Variants in PEAK1 observed in about 807,000 individuals in gnomAD.
PEAK1 encodes the protein inactive tyrosine-protein kinase PEAK1.
A neutral mutation model predicts 124.7 loss-of-function variants in PEAK1; 54 were observed. The ratio of observed to expected loss-of-function variants is 0.43; its 90% CI spans 0.35 to 0.54. PEAK1 has a LOEUF of 0.54. PEAK1 is among the 20% of genes least tolerant of loss of function. The pLI, the probability that PEAK1 is intolerant of heterozygous loss-of-function variation, is 0.01. For synonymous variants in PEAK1, 719 were observed against 760.0 expected (o/e 0.95, Z 0.89); for missense variants, 2,046 against 2,134.5 (o/e 0.96, Z 0.82).
rs2067007649 is a variant in PEAK1 at position 77,348,471 on chromosome 15, G to C, written c.-603+16692C>G. 5.2e-6 allele frequency: 5 copies of C among 954,652 alleles called. No individual in the cohort carries two copies. The South Asian group carries it at 1.9e-4, about 37-fold the overall frequency. 59.1% of individuals were successfully genotyped at this position (954,652 alleles called of 1,614,324 possible). ...AAATAATAAATAATAGGTTGTAAAA[G>C]CTAAACACAATGTAAACAATACTCA... is the stretch of plus-strand genomic sequence containing the variant. On this transcript the variant is annotated intron_variant, in intron 2 of 9. Transcript: ENST00000682557.
rs1459772727 is a variant in PEAK1, at chr15:77,321,692, T to G, written c.-602-35188A>C. ...CCCAATTGTCAATTTCGGCTTTTGT[T>G]GCCATTGCTTTTGGTGTTTTAGACG... On this transcript the variant is annotated intron_variant, in intron 2 of 9. Transcript: ENST00000682557. Among the ~76,000 whole-genome samples the G allele has an allele frequency of 2.6e-5, 4 of 152,216 alleles. No homozygotes were observed. In the East Asian group the frequency reaches 7.7e-4, roughly 29 times the overall value.
At chr15:77,212,953 A>G (rs993113561) in intron 6 of PEAK1, among the ~76,000 whole-genome samples, 1 of 152,226 alleles carries the variant, frequency 6.6e-6, no homozygotes, top group African/African-American at 2.4e-5. Flanking sequence ...GCAAAAGTGA[A>G]TTTTTCATTT....
intron 1 of PEAK1, among the ~76,000 whole-genome samples, chr15:77,374,537 T>C (rs2068864927): frequency 6.6e-6 from 1 of 152,146 alleles, no homozygotes; most frequent in Non-Finnish European, 1.5e-5. Flanking sequence ...GGAGCAAGTG[T>C]GTAGCTGAAG....
rs545565267 is a variant in PEAK1, at chr15:77,279,514, G to A, written c.-275+4369C>T. ...ACCACTGAGATGGAGCCCCTCAAAG[G>A]AGCAGTGGTTCCATTTCCAGATTGT... is the stretch of plus-strand genomic sequence containing the variant. On this transcript the variant is annotated intron_variant, in intron 5 of 9. Transcript: ENST00000682557. 5.9e-5 allele frequency among the ~76,000 whole-genome samples: 9 copies of A among 152,246 alleles called. No individual in the cohort carries two copies. The East Asian group carries it at 1.5e-3, about 26-fold the overall frequency.
intron 8 of PEAK1, among the ~76,000 whole-genome samples, chr15:77,137,152 A>T (rs1403761932): frequency 2.0e-5 from 3 of 152,240 alleles, no homozygotes; most frequent in Non-Finnish European, 2.9e-5. Flanking sequence ...CAGAGGATGT[A>T]TGAAAACACC....
intron 1 of PEAK1, chr15:77,419,431 A>G (rs1040773647): frequency 3.1e-6 from 3 of 983,392 alleles, no homozygotes; most frequent in Middle Eastern, 1.0e-3. Context: ...ACAACCCCCA[A>G]ACGACCCCGC....
At chr15:77,270,257 C>T (rs370029041) in intron 5 of PEAK1, among the ~76,000 whole-genome samples, 39 of 152,118 alleles carry the variant, frequency 2.6e-4, no homozygotes, top group South Asian at 8.3e-4. Flanking sequence ...CTATTCAACA[C>T]AGTGTTGGAA....
Position 77,278,990 on chromosome 15 carries a change from C to A in PEAK1, c.-275+4893G>T, listed in dbSNP as rs553719933. On this transcript the variant is annotated intron_variant, in intron 5 of 9. Transcript: ENST00000682557. ...TGGGATTAGACACACGCCACCACAACTGGCTAATTTTTGTATTTTTAGTAG... is the reference window on the plus strand; with the variant it reads ...TGGGATTAGACACACGCCACCACAAATGGCTAATTTTTGTATTTTTAGTAG... Among the ~76,000 whole-genome samples the A allele has an allele frequency of 2.5e-4, 38 of 151,968 alleles. No homozygotes were observed. The East Asian group carries it at 5.6e-3, about 22-fold the overall frequency.
intron 9 of PEAK1, among the ~76,000 whole-genome samples, chr15:77,116,474 A>C (rs946789344): frequency 1.3e-5 from 2 of 152,184 alleles, no homozygotes; most frequent in Non-Finnish European, 2.9e-5. Context: ...TTTTTATTTA[A>C]AAAGAAAAAT....
chr15:77,288,979 A>G (rs191375889), intron 2 of PEAK1, among the ~76,000 whole-genome samples: 48 of 152,220 alleles, frequency 3.2e-4, no homozygotes, highest in African/African-American at 1.1e-3. Flanking sequence ...GATGGAAATG[A>G]ACATTCATAG....
chr15:77,149,965 ATC>A (rs1288909979), intron 8 of PEAK1, among the ~76,000 whole-genome samples: 2 of 151,986 alleles, frequency 1.3e-5, no homozygotes, highest in African/African-American at 4.8e-5. Context: ...GCCTAGGCTA[ATC>A]TTGAATTCCT....
At chr15:77,230,410 G>C (rs1263374905) in intron 6 of PEAK1, among the ~76,000 whole-genome samples, 1 of 152,050 alleles carries the variant, frequency 6.6e-6, no homozygotes, top group Non-Finnish European at 1.5e-5. Context: ...ATGTTGGCCA[G>C]GCTGGTCTCG....
chr15:77,380,770 T>A (rs56403330), intron 1 of PEAK1, among the ~76,000 whole-genome samples: 1 of 152,166 alleles, frequency 6.6e-6, no homozygotes, highest in African/African-American at 2.4e-5. Flanking sequence ...TGAGCCACCA[T>A]GACTGGCCAA....
chr15:77,251,286 T>G (rs966369352), intron 6 of PEAK1, among the ~76,000 whole-genome samples: 2 of 152,224 alleles, frequency 1.3e-5, no homozygotes, highest in African/African-American at 4.8e-5. Context: ...CTTCATATAA[T>G]TGCTTTCTAC....
In PEAK1 at chr15:77,127,581, A is replaced by G. The variant is rs557481774; in HGVS notation, c.4077+5424T>C. On this transcript the variant is annotated intron_variant, in intron 9 of 9. Coordinates refer to ENST00000682557, the MANE Select transcript of PEAK1 (RefSeq NM_001385026.1). ...GGGAATCCTTGTCATAACGTGGCAA[A>G]GAACTTAGCAGGACTGTGTTTTGTA... is the stretch of plus-strand genomic sequence containing the variant. Among the ~76,000 whole-genome samples the G allele has an allele frequency of 1.4e-4, 21 of 152,348 alleles. No homozygotes were observed. In the South Asian group the frequency reaches 3.9e-3, roughly 29 times the overall value.
intron 6 of PEAK1, among the ~76,000 whole-genome samples, chr15:77,224,928 G>A (rs1474057913): frequency 1.3e-5 from 2 of 151,656 alleles, no homozygotes; most frequent in African/African-American, 4.8e-5. Flanking sequence ...GTTTGTTCTG[G>A]TGGTCTCCTA....
At chr15:77,241,785 G>A (rs1246895521) in intron 6 of PEAK1, among the ~76,000 whole-genome samples, 1 of 151,846 alleles carries the variant, frequency 6.6e-6, no homozygotes, top group African/African-American at 2.4e-5. Context: ...CCAAGTATAG[G>A]AGGGGTATGC....
chr15:77,179,891 G>C lies in PEAK1; in HGVS notation c.2036C>G (p.Thr679Ser). The C allele has an allele frequency of 1.2e-6, 2 of 1,614,132 alleles. No homozygotes were observed. Among genetic ancestry groups the C allele is most frequent in the South Asian group, 1.1e-5 (1 of 91,072 alleles). The change falls in exon 7 of 10, where the codon ACT becomes AGT. Residue 679 changes from threonine to serine, a missense_variant. Thr to Ser is a moderately conservative substitution (Grantham distance 58). Transcript: ENST00000682557. Reference sequence around the variant, plus strand: ...TTGAAGACAGTCAGTGGTTTTGCTAGTGGTGTTATCAGGCACTTTGCTTTC... The same window carrying C: ...TTGAAGACAGTCAGTGGTTTTGCTACTGGTGTTATCAGGCACTTTGCTTTC... ...ETESKVPDNT[T>S]SKTTDCLQTK... is the part of the protein sequence containing the mutation.
chr15:77,276,620 G>A (rs911316473), intron 5 of PEAK1, among the ~76,000 whole-genome samples: 6 of 151,956 alleles, frequency 3.9e-5, no homozygotes, highest in East Asian at 1.9e-4. Context: ...AAAAGATCTC[G>A]GATAATCCAG....
Sources: allele counts gnomAD v4.1 joint callset (sites outside exome capture counted in the v4.1 genomes callset), GRCh38; gene constraint gnomAD v4.1.1; transcripts MANE v1.5; gene names NCBI Gene and HGNC (gene_info 2026-07-23, HGNC 2026-07-21).